USP34: variants seen among roughly 807,000 people sequenced by gnomAD.
The protein encoded by USP34 is ubiquitin specific peptidase 34.
USP34 carries 70 observed loss-of-function variants against 460.3 expected under a neutral mutation model. The observed-to-expected ratio is 0.15, with a 90% CI of 0.13 to 0.19. The LOEUF (loss-of-function observed/expected upper bound fraction) is 0.19. Ranked by LOEUF, USP34 falls within the 10% of genes least tolerant of loss-of-function variation. The pLI is 1.00. For synonymous variants in USP34, 1,647 were observed against 1,405.3 expected, an observed-to-expected ratio of 1.17 and a Z score of -3.85; for missense variants, 3,985 against 4,236.2, an observed-to-expected ratio of 0.94 and a Z score of 1.65.
At chr2:61,382,549 C>A (rs1202038505) in intron 6 of USP34, among the ~76,000 whole-genome samples, 1 of 152,180 alleles carries the variant, frequency 6.6e-6, no homozygotes, top group Non-Finnish European at 1.5e-5. Context: ...CTATCTGATT[C>A]TTTGCCTGAT....
At position 61,224,082 on chromosome 2, in the gene USP34, G is replaced by A. The variant is rs538653638; in HGVS notation, c.7596-786C>T. ...TATTCATGCCTAAATGAATAATTCCGCACTGTCATACAATATCCAGCGTAC... is the reference window on the plus strand; with the variant it reads ...TATTCATGCCTAAATGAATAATTCCACACTGTCATACAATATCCAGCGTAC... On this transcript the variant is annotated intron_variant, in intron 62 of 79. Coordinates refer to ENST00000398571, the MANE Select transcript of USP34 (RefSeq NM_014709.4). Among the ~76,000 whole-genome samples, 6 of 152,168 alleles carry A rather than the reference G, an allele frequency of 3.9e-5. No homozygotes were observed. The South Asian group carries it at 1.0e-3, about 26-fold the overall frequency.
intron 19 of USP34, among the ~76,000 whole-genome samples, chr2:61,331,823 C>T (rs1691276482): frequency 6.6e-6 from 1 of 151,762 alleles, no homozygotes; most frequent in African/African-American, 2.4e-5. Context: ...GCACTGAGTT[C>T]CAAAATAATG....
chr2:61,419,601 T>C (rs534211399), intron 2 of USP34, among the ~76,000 whole-genome samples: 1 of 152,312 alleles, frequency 6.6e-6, no homozygotes, highest in East Asian at 1.9e-4. Context: ...TTTAGGAGAA[T>C]GATTTTGTTT....
At chr2:61,189,300 G>A (rs1381665055) in intron 78 of USP34, 2 of 415,060 alleles carry the variant, frequency 4.8e-6, no homozygotes, top group Non-Finnish European at 8.3e-6. Flanking sequence ...TTGAGATGGA[G>A]TCTTGTTCTT....
chr2:61,379,583 A>G (rs1044429083), intron 7 of USP34, among the ~76,000 whole-genome samples: 1 of 152,220 alleles, frequency 6.6e-6, no homozygotes, highest in Non-Finnish European at 1.5e-5. Flanking sequence ...TGGGGACTGC[A>G]ACAAACCGGA....
At position 61,188,091 on chromosome 2, in the gene USP34, T is replaced by C; in HGVS notation, c.*11A>G. The C allele has an allele frequency of 3.1e-6, 5 of 1,607,022 alleles. No individual in the cohort carries two copies. Among genetic ancestry groups the C allele is most frequent in the Non-Finnish European group, 4.3e-6 (5 of 1,176,292 alleles). On this transcript the variant is annotated 3_prime_UTR_variant, in exon 80 of 80. Transcript: ENST00000398571. ...GTGAGGGACTTAAAAGTAGACATGCTACACCTAATGTCAAGAAGCAGCTTG... is the reference window on the plus strand; with the variant it reads ...GTGAGGGACTTAAAAGTAGACATGCCACACCTAATGTCAAGAAGCAGCTTG...
intron 75 of USP34, among the ~76,000 whole-genome samples, chr2:61,197,492 C>T (rs751628570): frequency 7.1e-4 from 108 of 152,290 alleles, no homozygotes; most frequent in Middle Eastern, 3.4e-3. Context: ...TTATCTGATT[C>T]CAAAGCCCAT....
intron 1 of USP34, 60 bp downstream of exon 1, chr2:61,470,590 G>C: frequency 1.6e-6 from 2 of 1,253,358 alleles, no homozygotes; most frequent in Non-Finnish European, 1.1e-6. Flanking sequence ...GGGGAGGCCA[G>C]AGAGCTGCGC....
intron 51 of USP34, among the ~76,000 whole-genome samples, chr2:61,242,458 TACACACACACACACACACACACACAC>T (rs67471702): frequency 7.7e-6 from 1 of 129,680 alleles, no homozygotes; most frequent in Non-Finnish European, 1.6e-5. Flanking sequence ...AGATAATACA[TACACACACACACACACACACACACAC>T]ACACACACAC....
At chr2:61,454,917 G>A (rs1352071777) in intron 1 of USP34, among the ~76,000 whole-genome samples, 5 of 128,118 alleles carry the variant, frequency 3.9e-5, no homozygotes, top group African/African-American at 6.0e-5. Flanking sequence ...CTCACTAGTC[G>A]CCCAGACTGG....
intron 6 of USP34, among the ~76,000 whole-genome samples, chr2:61,380,641 C>G (rs921352613): frequency 6.6e-6 from 1 of 152,188 alleles, no homozygotes; most frequent in Admixed American, 6.5e-5. Flanking sequence ...TGTGACTTTG[C>G]TATTCCTCTC....
At chr2:61,387,581 AT>A (rs1404457649) in intron 5 of USP34, among the ~76,000 whole-genome samples, 8 of 146,010 alleles carry the variant, frequency 5.5e-5, no homozygotes, top group Middle Eastern at 3.6e-3. Context: ...CATATATAAA[AT>A]ATATATATTT....
At chr2:61,366,646 C>T (rs1288292359) in intron 10 of USP34, among the ~76,000 whole-genome samples, 1 of 152,118 alleles carries the variant, frequency 6.6e-6, no homozygotes, top group African/African-American at 2.4e-5. Context: ...GCCTCCAATA[C>T]TATTCCCCGA....
In USP34 at chr2:61,229,494, A is replaced by C. The variant is rs1387053628; in HGVS notation, c.7199+54T>G. On this transcript the variant is annotated intron_variant, in intron 59 of 79. Transcript: ENST00000398571. ...AAAAAAACAAAAAAAAAAAACAAAAACACCACACACACACAACACAGACAC... is the reference window on the plus strand; with the variant it reads ...AAAAAAACAAAAAAAAAAAACAAAACCACCACACACACACAACACAGACAC... The C allele has an allele frequency of 4.6e-6, 5 of 1,098,796 alleles. No individual in the cohort carries two copies. The East Asian group carries it at 1.2e-4, about 27-fold the overall frequency. 68.1% of individuals were successfully genotyped at this position (1,098,796 alleles called of 1,614,324 possible).
intron 33 of USP34, among the ~76,000 whole-genome samples, chr2:61,292,620 T>C (rs1689894313): frequency 1.3e-5 from 2 of 152,106 alleles, no homozygotes; most frequent in Admixed American, 1.3e-4. Context: ...TGTCAAATCA[T>C]TATACCTGAC....
chr2:61,239,498 A>T (rs1688183593), intron 53 of USP34, among the ~76,000 whole-genome samples: 1 of 152,196 alleles, frequency 6.6e-6, no homozygotes, highest in African/African-American at 2.4e-5. Context: ...GATTTGTCTA[A>T]TATCTTTAGG....
intron 10 of USP34, among the ~76,000 whole-genome samples, chr2:61,368,601 A>C (rs1281161674): frequency 6.6e-6 from 1 of 152,222 alleles, no homozygotes. Flanking sequence ...AAATTGGTAT[A>C]TCAAGTCAGA....
At chr2:61,386,865 G>T (rs776769689) in intron 5 of USP34, among the ~76,000 whole-genome samples, 7 of 152,130 alleles carry the variant, frequency 4.6e-5, no homozygotes, top group Non-Finnish European at 7.4e-5. Flanking sequence ...AACCAAAAAT[G>T]AAAACCTTAA....
rs543367911 is a variant in USP34, at chr2:61,266,183, A to C, written c.5434-16T>G. The stretch of plus-strand genomic sequence containing the variant: ...TCAAAAATTCCTGGGGAGTAAAAGG[A>C]AACATGTTATCTAAACTGAGATATT... On this transcript the variant is annotated splice_polypyrimidine_tract_variant and intron_variant, in intron 41 of 79. Transcript: ENST00000398571. The C allele has an allele frequency of 3.9e-5, 63 of 1,598,904 alleles. No homozygotes were observed. The African/African-American group carries it at 7.2e-4, about 18-fold the overall frequency.
Sources: gnomAD v4.1 joint callset for allele counts (sites outside exome capture counted in the v4.1 genomes callset) on GRCh38, gnomAD v4.1.1 for gene constraint, MANE v1.5 for transcripts, NCBI Gene and HGNC (gene_info 2026-07-23, HGNC 2026-07-21) for gene names.